Variants in MAPK6 observed in about 807,000 individuals in gnomAD.
MAPK6 encodes ERK-3.
Under a neutral mutation model 59.3 loss-of-function variants are expected in MAPK6, and 19 were observed. That is an observed-to-expected ratio of 0.32 (90% CI 0.22 to 0.47). The LOEUF is 0.47. Among genes scored for constraint, MAPK6 ranks in the 20% least tolerant of loss-of-function variants. MAPK6 has a pLI of 1.00. For synonymous variants in MAPK6, 316 were observed against 290.3 expected (o/e 1.09, Z -0.90); for missense variants, 724 against 847.9 (o/e 0.85, Z 1.81).
chr15:52,031,228 C>T (rs2031021522), intron 1 of MAPK6, among the ~76,000 whole-genome samples: 1 of 152,138 alleles, frequency 6.6e-6, no homozygotes, highest in Non-Finnish European at 1.5e-5. Flanking sequence ...CCACTGCCCC[C>T]AGCCAGAAGA....
chr15:51,994,924 C>T (rs568472822), intron 2 of MAPK6, among the ~76,000 whole-genome samples: 96 of 152,296 alleles, frequency 6.3e-4, no homozygotes, highest in Admixed American at 3.3e-3. Context: ...TTGAAGAAGA[C>T]GGAAGACCTA....
chr15:52,053,792 A>C (rs2141104191), intron 3 of MAPK6, among the ~76,000 whole-genome samples: 1 of 151,620 alleles, frequency 6.6e-6, no homozygotes, highest in South Asian at 2.1e-4. Context: ...GGCACATACC[A>C]CTATGCCCAG....
chr15:51,990,776 C>A (rs1205023379), intron 2 of MAPK6, among the ~76,000 whole-genome samples: 1 of 152,212 alleles, frequency 6.6e-6, no homozygotes, highest in African/African-American at 2.4e-5. Flanking sequence ...CAGTGAAATC[C>A]TGTCTCTACT....
intron 5 of MAPK6, among the ~76,000 whole-genome samples, chr15:52,061,984 G>C (rs545468558): frequency 6.6e-6 from 1 of 151,316 alleles, no homozygotes; most frequent in African/African-American, 2.4e-5. Context: ...ACAAGACTCA[G>C]TCATATCCAA....
At position 52,063,999 on chromosome 15, in the gene MAPK6, A is replaced by T; in HGVS notation, c.1165A>T (p.Thr389Ser). The change falls in exon 6 of 6, where the codon ACT (threonine) becomes TCT (serine). Residue 389 changes from threonine (T) to serine (S), a missense_variant. Transcript: ENST00000261845. ...TGATCCAAGAGCTCTGTCCGATGTC[A>T]CTGATGAAGAAGAAGTACAAGTTGA... Reference protein sequence around the residue: ...QLDPRALSDVTDEEEVQVDPR... With the variant: ...QLDPRALSDVSDEEEVQVDPR... The T allele has an allele frequency of 6.2e-7, 1 of 1,613,782 alleles. No individual in the cohort carries two copies. The highest frequency in any genetic ancestry group is 1.1e-5 in the South Asian group (1 of 91,054).
rs989525229 is a variant in MAPK6, at chr15:52,046,309, C to A, written c.-152C>A. ...AGGGGAACTCGACAGGCCTGTTTGGCATATGCAATGAACATCAAGAAACCA... is the reference window on the plus strand; with the variant it reads ...AGGGGAACTCGACAGGCCTGTTTGGAATATGCAATGAACATCAAGAAACCA... On this transcript the variant is annotated 5_prime_UTR_variant, in exon 2 of 6. Coordinates refer to ENST00000261845, the MANE Select transcript of MAPK6 (RefSeq NM_002748.4). 1.6e-6 allele frequency: 1 copy of A among 627,816 alleles called. No individual in the cohort carries two copies. The highest frequency in any genetic ancestry group is 3.0e-5 in the Admixed American group (1 of 32,940). The allele number at this position is 627,816 out of a possible 1,614,324, so 38.9% of individuals were successfully genotyped here.
chr15:52,010,794 T>C (rs758607340), intron 3 of MAPK6, among the ~76,000 whole-genome samples: 8 of 152,172 alleles, frequency 5.3e-5, no homozygotes, highest in Admixed American at 1.3e-4. Context: ...GCTGGGATTA[T>C]GGGCGTGAGC....
chr15:52,048,741 C>T lies in MAPK6; in HGVS notation c.556-1252C>T, dbSNP rs556729116. ...GCCAGGAGTTTGAGACCAACCTGCG[C>T]AGTGGCTCCTGCCTGTAATCTCAGC... On this transcript the variant is annotated intron_variant, in intron 2 of 5. Coordinates refer to ENST00000261845, the MANE Select transcript of MAPK6 (RefSeq NM_002748.4). Among the ~76,000 whole-genome samples, 26 of 152,230 alleles carry T rather than the reference C, an allele frequency of 1.7e-4. 1 individual carries two copies. The South Asian group carries it at 2.1e-3, about 12-fold the overall frequency.
chr15:51,990,426 A>G (rs1190342756), intron 2 of MAPK6, among the ~76,000 whole-genome samples: 1 of 152,262 alleles, frequency 6.6e-6, no homozygotes, highest in Non-Finnish European at 1.5e-5. Flanking sequence ...TGCATTCAAT[A>G]TGCAAAGTAG....
intron 1 of MAPK6, among the ~76,000 whole-genome samples, chr15:52,023,248 G>T (rs2030617113): frequency 6.6e-6 from 1 of 151,610 alleles, no homozygotes; most frequent in Non-Finnish European, 1.5e-5. Flanking sequence ...TTTGAACCTT[G>T]TGTTACTCTA....
rs74950896 is a variant in MAPK6, at chr15:51,977,907, A to C, written c.-879-5299A>C. 7.2e-4 allele frequency among the ~76,000 whole-genome samples: 109 copies of C among 151,866 alleles called. 1 individual carries two copies. The East Asian group carries it at 0.019, about 27-fold the overall frequency. On this transcript the variant is annotated intron_variant, in intron 1 of 7. Transcript: ENST00000691380. ...AAGTGCCCAGCTGAGCCTTTCCTCA[A>C]TTGTCTCAGAGTAACCAGGAGACCA...
rs971613609 is a variant in MAPK6, at chr15:52,048,028, G to A, written c.555+1013G>A. Among the ~76,000 whole-genome samples the A allele has an allele frequency of 1.2e-4, 18 of 152,150 alleles. 1 individual carries two copies. The highest frequency in any genetic ancestry group is 7.4e-5 in the Non-Finnish European group (5 of 68,016). ...ATGTGGGACCCTGATGTTTAAATTAGAGAGGTGGAGCTGCTTTGGTTGTAA... is the reference window on the plus strand; with the variant it reads ...ATGTGGGACCCTGATGTTTAAATTAAAGAGGTGGAGCTGCTTTGGTTGTAA... On this transcript the variant is annotated intron_variant, in intron 2 of 5. Coordinates refer to ENST00000261845, the MANE Select transcript of MAPK6 (RefSeq NM_002748.4).
intron 2 of MAPK6, among the ~76,000 whole-genome samples, chr15:52,049,351 A>AT (rs60965378): frequency 0.025 from 2,687 of 109,668 alleles, 112 homozygotes; most frequent in African/African-American, 0.086. Context: ...GAGTTATATA[A>AT]TTTTTTTTTT....
intron 3 of MAPK6, among the ~76,000 whole-genome samples, chr15:52,053,600 TTGGTTGATTGATTGATTGATTG>T (rs2031859312): frequency 4.7e-4 from 1 of 2,118 alleles, no homozygotes; most frequent in Non-Finnish European, 1.4e-3. Flanking sequence ...GATTGATTGA[TTGGTTGATTGATTGATTGATTG>T]ATTGGTTGAT....
intron 1 of MAPK6, among the ~76,000 whole-genome samples, chr15:52,025,745 G>A (rs970680424): frequency 8.5e-5 from 13 of 152,068 alleles, no homozygotes; most frequent in South Asian, 2.1e-4. Flanking sequence ...TGCAGTGAGC[G>A]CCACTGCACT....
At chr15:52,021,657 A>T (rs1469742686) in intron 1 of MAPK6, 1 of 152,126 alleles carries the variant, frequency 6.6e-6, no homozygotes, top group African/African-American at 2.4e-5. Context: ...CAGGTTGTTT[A>T]TAAAGGACAG....
intron 1 of MAPK6, among the ~76,000 whole-genome samples, chr15:51,982,461 A>G (rs1437724444): frequency 6.6e-6 from 1 of 152,200 alleles, no homozygotes; most frequent in African/African-American, 2.4e-5. Context: ...GGTATACCCT[A>G]AAGAGATCTC....
chr15:52,036,249 A>C (rs947617958), intron 1 of MAPK6, among the ~76,000 whole-genome samples: 1 of 152,226 alleles, frequency 6.6e-6, no homozygotes, highest in Non-Finnish European at 1.5e-5. Context: ...TTCTTTGACT[A>C]CACAGCTGAT....
chr15:52,065,147 T>A lies in MAPK6; in HGVS notation c.*147T>A. ...GTTCTTGTTTTTTAAAATCCAGACTTTCTTTTTCTACATGTGAGATAGTTT... is the reference window on the plus strand; with the variant it reads ...GTTCTTGTTTTTTAAAATCCAGACTATCTTTTTCTACATGTGAGATAGTTT... On this transcript the variant is annotated 3_prime_UTR_variant, in exon 6 of 6. Transcript: ENST00000261845. The A allele has an allele frequency of 1.4e-6, 1 of 710,456 alleles. No individual in the cohort carries two copies. Among genetic ancestry groups the A allele is most frequent in the South Asian group, 3.2e-5 (1 of 31,148 alleles). The allele number at this position is 710,456 out of a possible 1,614,324, so 44.0% of individuals were successfully genotyped here.
Sources: allele counts gnomAD v4.1 joint callset (sites outside exome capture counted in the v4.1 genomes callset), GRCh38; gene constraint gnomAD v4.1.1; transcripts MANE v1.5; gene names NCBI Gene and HGNC (gene_info 2026-07-23, HGNC 2026-07-21).